Variants in GC observed in about 807,000 individuals in gnomAD.
The protein encoded by GC is GC vitamin D binding protein.
A neutral mutation model predicts 56.7 loss-of-function variants in GC; 43 were observed. That is an observed-to-expected ratio of 0.76 (90% CI 0.59 to 0.98). The LOEUF (loss-of-function observed/expected upper bound fraction) is 0.98, where lower values mean the gene tolerates loss of function less well. Ranked by LOEUF, GC falls within the 50% of genes least tolerant of loss-of-function variation. The pLI is 0.00. For synonymous variants in GC, 216 were observed against 202.7 expected (o/e 1.07, Z -0.56); for missense variants, 529 against 545.9 (o/e 0.97, Z 0.31).
chr4:71,766,309 T>C (rs182872832), intron 3 of GC, among the ~76,000 whole-genome samples: 4 of 152,284 alleles, frequency 2.6e-5, no homozygotes, highest in Admixed American at 2.6e-4. Flanking sequence ...TTTCCCAAGC[T>C]CCAAGATTTA....
chr4:71,766,794 C>A lies in GC; in HGVS notation c.262-1151G>T, dbSNP rs192571127. The stretch of plus-strand genomic sequence containing the variant: ...TCCTTTCCATTCATTTCCCTGGCAA[C>A]CCTTCTTTTTGCCTTTTTAAAGTTA... On this transcript the variant is annotated intron_variant, in intron 3 of 12. Coordinates refer to ENST00000273951, the MANE Select transcript of GC (RefSeq NM_000583.4). Among the ~76,000 whole-genome samples the A allele has an allele frequency of 3.5e-3, 533 of 152,196 alleles. 3 individuals are homozygous for A. The highest frequency in any genetic ancestry group is 0.012 in the African/African-American group (502 of 41,554).
intron 1 of GC, among the ~76,000 whole-genome samples, chr4:71,781,298 T>C (rs1317442401): frequency 1.3e-5 from 2 of 151,850 alleles, no homozygotes; most frequent in Non-Finnish European, 2.9e-5. Context: ...GACGAGTTAA[T>C]GGGTGTCAGC....
chr4:71,746,796 CTACTT>C (rs1307020237), intron 11 of GC, among the ~76,000 whole-genome samples: 59 of 57,408 alleles, frequency 1.0e-3, no homozygotes, highest in African/African-American at 4.2e-3. Context: ...AAAAAAAAAA[CTACTT>C]TAATTTGGAG....
At chr4:71,791,860 C>T (rs1742976180) in intron 1 of GC, among the ~76,000 whole-genome samples, 3 of 152,128 alleles carry the variant, frequency 2.0e-5, no homozygotes, top group African/African-American at 7.2e-5. Flanking sequence ...GCTCCCCGCC[C>T]TGTGTCCAAG....
chr4:71,749,859 AAT>A (rs1741490781), intron 11 of GC, among the ~76,000 whole-genome samples: 1 of 152,164 alleles, frequency 6.6e-6, no homozygotes, highest in Non-Finnish European at 1.5e-5. Flanking sequence ...CTTCATCTGG[AAT>A]TCTGACTTTA....
At chr4:71,760,334 G>A (rs1741927585) in intron 6 of GC, among the ~76,000 whole-genome samples, 1 of 151,972 alleles carries the variant, frequency 6.6e-6, no homozygotes. Context: ...TTACAGGTGT[G>A]AGCCACCGTG....
chr4:71,794,643 G>A (rs909440713), intron 1 of GC, among the ~76,000 whole-genome samples: 10 of 151,692 alleles, frequency 6.6e-5, no homozygotes, highest in South Asian at 2.1e-4. Flanking sequence ...GGGTTTTTTT[G>A]TGTCTCTATC....
At chr4:71,743,514 C>G (rs1303933497) in intron 12 of GC, among the ~76,000 whole-genome samples, 4 of 152,154 alleles carry the variant, frequency 2.6e-5, no homozygotes, top group Non-Finnish European at 4.4e-5. Flanking sequence ...CAACTCATGA[C>G]TAGGATTGTG....
intron 7 of GC, among the ~76,000 whole-genome samples, chr4:71,757,391 G>A (rs1741815469): frequency 6.6e-6 from 1 of 152,156 alleles, no homozygotes; most frequent in Non-Finnish European, 1.5e-5. Context: ...GCAACACAAT[G>A]TATCTATTAC....
upstream of GC, among the ~76,000 whole-genome samples, chr4:71,788,294 CA>C: frequency 6.6e-6 from 1 of 151,632 alleles, no homozygotes; most frequent in Non-Finnish European, 1.5e-5. Flanking sequence ...TGAAAATCTG[CA>C]AATGATTTAT....
At chr4:71,757,153 A>G (rs1420267150) in intron 7 of GC, among the ~76,000 whole-genome samples, 2 of 152,200 alleles carry the variant, frequency 1.3e-5, no homozygotes, top group African/African-American at 4.8e-5. Flanking sequence ...AGATAAAACG[A>G]CAACAACTAT....
intron 12 of GC, among the ~76,000 whole-genome samples, chr4:71,742,455 A>T (rs1418073696): frequency 6.6e-6 from 1 of 152,164 alleles, no homozygotes; most frequent in African/African-American, 2.4e-5. Flanking sequence ...TGGAGTGAGG[A>T]TGCAATAAGG....
At chr4:71,784,867 T>C (rs1742795413), upstream of GC, among the ~76,000 whole-genome samples, 1 of 151,674 alleles carries the variant, frequency 6.6e-6, no homozygotes, top group Non-Finnish European at 1.5e-5. Context: ...AGAGGCCCTG[T>C]AGGACATGAA....
intron 1 of GC, among the ~76,000 whole-genome samples, chr4:71,773,673 C>T (rs546080953): frequency 1.1e-3 from 163 of 152,052 alleles, no homozygotes; most frequent in African/African-American, 3.8e-3. Flanking sequence ...AACAGTTATT[C>T]GTATACCAAG....
upstream of GC, among the ~76,000 whole-genome samples, chr4:71,785,257 T>G (rs1742805772): frequency 6.6e-6 from 1 of 151,688 alleles, no homozygotes; most frequent in Non-Finnish European, 1.5e-5. Flanking sequence ...CCTATTACTC[T>G]TATTCTAGTT....
chr4:71,762,282 G>A lies in GC; in HGVS notation c.701+1126C>T, dbSNP rs913069705. On this transcript the variant is annotated intron_variant, in intron 6 of 12. Transcript: ENST00000273951. The stretch of plus-strand genomic sequence containing the variant: ...GCCCCACTGGATTTTGAACTTGCAT[G>A]GGGCCTGTAGCCCCTTTGTTTTGGC... Among the ~76,000 whole-genome samples, 4 of 152,310 alleles carry A rather than the reference G, an allele frequency of 2.6e-5. 1 individual carries two copies. In the South Asian group the frequency reaches 8.3e-4, roughly 32 times the overall value.
intron 12 of GC, among the ~76,000 whole-genome samples, chr4:71,744,709 A>C (rs1388827094): frequency 6.6e-6 from 1 of 152,128 alleles, no homozygotes; most frequent in Non-Finnish European, 1.5e-5. Context: ...CCTGACTCTT[A>C]ATTAAAGCTT....
chr4:71,756,665 C>T, intron 8 of GC, 47 bp downstream of exon 8: 1 of 1,374,112 alleles, frequency 7.3e-7, no homozygotes, highest in Non-Finnish European at 1.0e-6. Flanking sequence ...ACTTTTTGTC[C>T]AGATGAACTT....
chr4:71,775,322 A>G (rs564675796), intron 1 of GC, among the ~76,000 whole-genome samples: 2 of 152,028 alleles, frequency 1.3e-5, no homozygotes, highest in African/African-American at 4.8e-5. Context: ...CATAAAAGTC[A>G]CTTCATTAAG....
Sources: gnomAD v4.1 joint callset for allele counts (sites outside exome capture counted in the v4.1 genomes callset) on GRCh38, gnomAD v4.1.1 for gene constraint, MANE v1.5 for transcripts, NCBI Gene and HGNC (gene_info 2026-07-23, HGNC 2026-07-21) for gene names.